Variants in MAOB observed in about 807,000 individuals in gnomAD.
The protein encoded by MAOB is amine oxidase [flavin-containing] B.
Under a neutral mutation model 41.9 loss-of-function variants are expected in MAOB, and 15 were observed. That is an observed-to-expected ratio of 0.36 (90% CI 0.24 to 0.55). The LOEUF is 0.55. MAOB is among the 20% of genes least tolerant of loss of function. The probability of loss-of-function intolerance (pLI) is 0.86; values close to 1 mark genes in which losing one functional copy is unlikely to be tolerated. For synonymous variants in MAOB, 167 were observed against 144.2 expected, an observed-to-expected ratio of 1.16 and a Z score of -1.13; for missense variants, 345 against 398.7, an observed-to-expected ratio of 0.87 and a Z score of 1.15.
At chrX:43,806,219 A>G (rs538237981) in intron 3 of MAOB, among the ~76,000 whole-genome samples, 1 of 111,663 alleles carries the variant, frequency 9.0e-6, no homozygotes, top group Non-Finnish European at 1.9e-5. Context: ...CCATTTATCC[A>G]CTAACCATCC....
intron 12 of MAOB, 64 bp from the exon 13 acceptor site, chrX:43,769,482 T>C: frequency 1.8e-6 from 2 of 1,138,898 alleles, no homozygotes; most frequent in Admixed American, 2.8e-5. Context: ...AGTTTTCCCA[T>C]AAAGACCAAT....
rs192151099 is a variant in MAOB, at chrX:43,869,067, G to A, written c.46+13187C>T. On this transcript the variant is annotated intron_variant, in intron 1 of 14. Coordinates refer to ENST00000378069, the MANE Select transcript of MAOB (RefSeq NM_000898.5). ...GAATCACAGGGTTGAAAACTAGCCC[G>A]CAATTTCCTTTTACAGACCCTTCCA... Among the ~76,000 whole-genome samples, 30 of 111,575 alleles carry A rather than the reference G, an allele frequency of 2.7e-4. No homozygotes were observed. The East Asian group carries it at 7.6e-3, about 28-fold the overall frequency.
At chrX:43,819,396 T>C (rs765005102) in intron 3 of MAOB, among the ~76,000 whole-genome samples, 20 of 111,162 alleles carry the variant, frequency 1.8e-4, no homozygotes, top group South Asian at 7.7e-4. Flanking sequence ...CTTGCCCCAC[T>C]CAGGACAGCT....
intron 3 of MAOB, among the ~76,000 whole-genome samples, chrX:43,819,600 C>G (rs1469378807): frequency 8.9e-6 from 1 of 111,909 alleles, no homozygotes; most frequent in Admixed American, 9.5e-5. Flanking sequence ...CTTGAGGAAC[C>G]CAACTGCAAC....
Position 43,767,394 on chromosome X carries a change from C to A in MAOB, c.*72G>T. 1 of 1,056,303 alleles carries A rather than the reference C, an allele frequency of 9.5e-7. No individual in the cohort carries two copies. The highest frequency in any genetic ancestry group is 1.3e-6 in the Non-Finnish European group (1 of 778,479). 87.1% of individuals were successfully genotyped at this position (1,056,303 alleles called of 1,213,427 possible). ...CACTATTTGTCTTCATGGAACTTTACTGCAACTCTTTCCCCAAACTCATAT... is the reference window on the plus strand; with the variant it reads ...CACTATTTGTCTTCATGGAACTTTAATGCAACTCTTTCCCCAAACTCATAT... On this transcript the variant is annotated 3_prime_UTR_variant, in exon 15 of 15. Coordinates refer to ENST00000378069, the MANE Select transcript of MAOB (RefSeq NM_000898.5).
chrX:43,784,165 T>C (rs2034370905), intron 8 of MAOB, among the ~76,000 whole-genome samples: 1 of 112,226 alleles, frequency 8.9e-6, no homozygotes, highest in South Asian at 3.7e-4. Flanking sequence ...CTCATGAGGA[T>C]TGGAATCAAC....
At chrX:43,843,817 G>T in intron 1 of MAOB, 53 bp from the exon 2 acceptor site, 1 of 1,186,651 alleles carries the variant, frequency 8.4e-7, no homozygotes, top group Non-Finnish European at 1.1e-6. Flanking sequence ...TGCCAGACAA[G>T]CTCCTCATGC....
intron 3 of MAOB, among the ~76,000 whole-genome samples, chrX:43,815,477 A>G (rs1290340465): frequency 3.6e-5 from 4 of 111,977 alleles, no homozygotes; most frequent in African/African-American, 1.3e-4. Flanking sequence ...CTTGGCTCAA[A>G]TAAAAGGCTG....
At chrX:43,882,184 C>G (rs970523417) in intron 1 of MAOB, 70 bp downstream of exon 1, 438 of 1,183,153 alleles carry the variant, frequency 3.7e-4, no homozygotes, top group Middle Eastern at 9.4e-4. Flanking sequence ...CGGCCGCCCC[C>G]CGCGTCTCCC....
intron 3 of MAOB, among the ~76,000 whole-genome samples, chrX:43,825,131 C>T (rs2034929851): frequency 1.8e-5 from 2 of 112,324 alleles, no homozygotes; most frequent in Admixed American, 1.9e-4. Context: ...CCTTCAGGGA[C>T]GGTAAGTTGG....
chrX:43,807,943 C>G (rs745674680), intron 3 of MAOB, among the ~76,000 whole-genome samples: 1 of 111,625 alleles, frequency 9.0e-6, no homozygotes, highest in South Asian at 3.8e-4. Context: ...TTATAACTAT[C>G]TATCCTACTT....
At chrX:43,840,128 C>T (rs1185739269) in intron 2 of MAOB, among the ~76,000 whole-genome samples, 1 of 111,945 alleles carries the variant, frequency 8.9e-6, no homozygotes, top group African/African-American at 3.2e-5. Context: ...AGGGTTAGAT[C>T]AAGTTTGAAG....
chrX:43,872,033 ATAAT>A (rs1361309752), intron 1 of MAOB, among the ~76,000 whole-genome samples: 3 of 112,069 alleles, frequency 2.7e-5, no homozygotes, highest in African/African-American at 9.7e-5. Flanking sequence ...ATGGGTAAAA[ATAAT>A]TAATCATAGA....
intron 1 of MAOB, among the ~76,000 whole-genome samples, chrX:43,881,016 G>A (rs758422083): frequency 8.8e-6 from 1 of 113,017 alleles, no homozygotes; most frequent in East Asian, 2.8e-4. Flanking sequence ...CACAGCCTTG[G>A]CCAACCTCAG....
At chrX:43,772,628 T>A (rs1459079014) in intron 12 of MAOB, among the ~76,000 whole-genome samples, 1 of 112,112 alleles carries the variant, frequency 8.9e-6, no homozygotes, top group Non-Finnish European at 1.9e-5. Context: ...TGATTCTCCA[T>A]TCTGTCCTTA....
At chrX:43,825,200 G>GT (rs1418910026) in intron 3 of MAOB, among the ~76,000 whole-genome samples, 1 of 111,006 alleles carries the variant, frequency 9.0e-6, no homozygotes, top group Non-Finnish European at 1.9e-5. Context: ...TGAGAGTTTT[G>GT]TTTTTTGTTT....
intron 3 of MAOB, among the ~76,000 whole-genome samples, chrX:43,820,632 C>A (rs1247280452): frequency 1.8e-5 from 2 of 111,938 alleles, no homozygotes; most frequent in Non-Finnish European, 3.8e-5. Context: ...TATTAGATAC[C>A]AGAGGTGAGA....
At chrX:43,856,794 GAGGAGGAGGAAGAAGAGGAGGAGC>G (rs2035291193) in intron 1 of MAOB, among the ~76,000 whole-genome samples, 2 of 108,854 alleles carry the variant, frequency 1.8e-5, no homozygotes, top group African/African-American at 6.7e-5. Flanking sequence ...TGAGTAGGTT[GAGGAGGAGGAAGAAGAGGAGGAGC>G]TGGCCTTGCT....
At chrX:43,828,756 C>G (rs1168525386) in intron 3 of MAOB, among the ~76,000 whole-genome samples, 1 of 111,369 alleles carries the variant, frequency 9.0e-6, no homozygotes, top group Admixed American at 9.6e-5. Context: ...GGGTTAAAGC[C>G]CCCACTCCAT....
Sources: allele counts gnomAD v4.1 joint callset (sites outside exome capture counted in the v4.1 genomes callset), GRCh38; gene constraint gnomAD v4.1.1; transcripts MANE v1.5; gene names NCBI Gene and HGNC (gene_info 2026-07-23, HGNC 2026-07-21).